The following KIRREL3 variants were observed in gnomAD, a reference collection of about 807,000 sequenced individuals.
KIRREL3 encodes the protein kin of IRRE-like protein 3.
A neutral mutation model predicts 89.7 loss-of-function variants in KIRREL3; 36 were observed. The observed-to-expected ratio is 0.40, with a 90% confidence interval of 0.31 to 0.53. The LOEUF (loss-of-function observed/expected upper bound fraction) is 0.53. KIRREL3 is among the 20% of genes least tolerant of loss of function. The pLI is 0.49. For missense variants in KIRREL3, 864 were observed against 1,056.6 expected (o/e 0.82, Z 2.53); for synonymous variants, 445 against 441.4 (o/e 1.01, Z -0.10).
intron 2 of KIRREL3, among the ~76,000 whole-genome samples, chr11:126,533,209 C>A (rs1958995938): frequency 6.6e-6 from 1 of 152,194 alleles, no homozygotes; most frequent in Non-Finnish European, 1.5e-5. Flanking sequence ...TACCGTATCA[C>A]ACCTACGTGA....
intron 7 of KIRREL3, among the ~76,000 whole-genome samples, chr11:126,451,294 ATG>A (rs1956124857): frequency 1.6e-5 from 2 of 123,016 alleles, no homozygotes; most frequent in African/African-American, 6.5e-5. Flanking sequence ...GCGTGTGTGC[ATG>A]TGTGCATGTG....
intron 4 of KIRREL3, among the ~76,000 whole-genome samples, chr11:126,480,564 T>G (rs1026005776): frequency 6.6e-6 from 1 of 152,186 alleles, no homozygotes; most frequent in Non-Finnish European, 1.5e-5. Flanking sequence ...ACATGTTCTG[T>G]TGGAGTTAGA....
intron 1 of KIRREL3, among the ~76,000 whole-genome samples, chr11:126,973,035 A>C (rs764568076): frequency 5.3e-5 from 8 of 149,956 alleles, no homozygotes; most frequent in Non-Finnish European, 1.0e-4. Flanking sequence ...GGCATTGCTG[A>C]ACCCAGAGAG....
chr11:126,468,402 G>T (rs552529293), intron 5 of KIRREL3, among the ~76,000 whole-genome samples: 2 of 152,370 alleles, frequency 1.3e-5, no homozygotes, highest in African/African-American at 4.8e-5. Context: ...ACTGCCCAAG[G>T]CCCCATCCGG....
intron 8 of KIRREL3, among the ~76,000 whole-genome samples, chr11:126,448,326 G>A (rs1181238959): frequency 3.3e-5 from 5 of 150,764 alleles, no homozygotes; most frequent in Admixed American, 6.6e-5. Flanking sequence ...AAGAAGGTAC[G>A]TCCGTGAGTC....
At chr11:126,923,971 C>T (rs944526654) in intron 1 of KIRREL3, among the ~76,000 whole-genome samples, 9 of 152,322 alleles carry the variant, frequency 5.9e-5, no homozygotes, top group East Asian at 1.9e-4. Context: ...GTGGCTCACC[C>T]GCTTGTTTAA....
At chr11:126,644,434 A>C (rs1377506507) in intron 1 of KIRREL3, among the ~76,000 whole-genome samples, 1 of 152,224 alleles carries the variant, frequency 6.6e-6, no homozygotes, top group Non-Finnish European at 1.5e-5. Context: ...CTGAATGTTC[A>C]GTAGTTTTGA....
At chr11:126,532,353 A>T (rs1029081459) in intron 2 of KIRREL3, among the ~76,000 whole-genome samples, 15 of 150,836 alleles carry the variant, frequency 9.9e-5, no homozygotes, top group Admixed American at 8.6e-4. Flanking sequence ...GCCTACTCAG[A>T]TTATTTATCT....
intron 1 of KIRREL3, among the ~76,000 whole-genome samples, chr11:126,665,744 C>T (rs762499378): frequency 1.3e-5 from 2 of 152,212 alleles, no homozygotes; most frequent in Non-Finnish European, 2.9e-5. Flanking sequence ...CCCAAATGGA[C>T]TGAGGCACAT....
At chr11:126,828,800 T>A (rs1295974789) in intron 1 of KIRREL3, among the ~76,000 whole-genome samples, 1 of 152,234 alleles carries the variant, frequency 6.6e-6, no homozygotes, top group East Asian at 1.9e-4. Flanking sequence ...TTTATTTATT[T>A]AATTTTTATG....
At position 126,946,380 on chromosome 11, in the gene KIRREL3, T is replaced by C. The variant is rs528904290; in HGVS notation, c.55+54075A>G. ...CAAGACCTGGTTTGGTCCTCATGCA[T>C]TGGATCACCTTACTCAAACCACCTT... On this transcript the variant is annotated intron_variant, in intron 1 of 16. Transcript: ENST00000525144. The surrounding 1 kb of genome is among the most constrained non-coding windows in gnomAD (Gnocchi z 4.1). 6.6e-6 allele frequency among the ~76,000 whole-genome samples: 1 copy of C among 152,292 alleles called. No individual in the cohort carries two copies. The highest frequency in any genetic ancestry group is 2.1e-4 in the South Asian group (1 of 4,818).
rs1946662957 is a variant in KIRREL3 at position 126,908,170 on chromosome 11, C to T, written c.55+92285G>A. Among the ~76,000 whole-genome samples, 1 of 152,202 alleles carries T rather than the reference C, an allele frequency of 6.6e-6. No homozygotes were observed. Among genetic ancestry groups the T allele is most frequent in the Admixed American group, 6.5e-5 (1 of 15,284 alleles). On this transcript the variant is annotated intron_variant, in intron 1 of 16. Coordinates refer to ENST00000525144, the MANE Select transcript of KIRREL3 (RefSeq NM_032531.4). The surrounding 1 kb of genome is among the most constrained non-coding windows in gnomAD (Gnocchi z 4.2). ...TGAAGGCAAATATCTGTTTTGTTTA[C>T]TGCCGTATTTTCAGTGCCTAGGCAC...
rs1945685603 is a variant in KIRREL3 at position 126,666,826 on chromosome 11, A to G, written c.56-103914T>C. Among the ~76,000 whole-genome samples the G allele has an allele frequency of 6.6e-6, 1 of 152,148 alleles. No individual in the cohort carries two copies. Among genetic ancestry groups the G allele is most frequent in the South Asian group, 2.1e-4 (1 of 4,828 alleles). On this transcript the variant is annotated intron_variant, in intron 1 of 16. Coordinates refer to ENST00000525144, the MANE Select transcript of KIRREL3 (RefSeq NM_032531.4). The surrounding 1 kb of genome is among the most constrained non-coding windows in gnomAD (Gnocchi z 4.2). Reference sequence around the variant, plus strand: ...TGAGTTTCTCTGTTGATCAATCACCATTGCTGGTACAGGTATATTCATTTT... The same window carrying G: ...TGAGTTTCTCTGTTGATCAATCACCGTTGCTGGTACAGGTATATTCATTTT...
intron 1 of KIRREL3, among the ~76,000 whole-genome samples, chr11:126,847,945 G>A (rs1337180569): frequency 2.6e-5 from 4 of 152,114 alleles, no homozygotes; most frequent in South Asian, 2.1e-4. Context: ...ATTTTACCAT[G>A]TCTCTGACTG....
Position 126,571,202 on chromosome 11 carries a change from T to A in KIRREL3, c.56-8290A>T, listed in dbSNP as rs200522661. ...TTTTTGATACCTTGCCTAGCTCTTA[T>A]CATCTTTCTCTCCTTGGAGGGCTGG... On this transcript the variant is annotated intron_variant, in intron 1 of 16. Coordinates refer to ENST00000525144, the MANE Select transcript of KIRREL3 (RefSeq NM_032531.4). This position sits in a 1 kb window ranked among gnomAD's most constrained non-coding sequence, Gnocchi z 7.7. Among the ~76,000 whole-genome samples, 13 of 152,322 alleles carry A rather than the reference T, an allele frequency of 8.5e-5. No homozygotes were observed. The East Asian group carries it at 1.5e-3, about 18-fold the overall frequency.
intron 1 of KIRREL3, among the ~76,000 whole-genome samples, chr11:126,857,782 T>TGTAGGG (rs11283324): frequency 1.7e-5 from 2 of 120,058 alleles, no homozygotes; most frequent in East Asian, 2.8e-4. Context: ...CTTCAGGCTG[T>TGTAGGG]GGGGGTGGGG....
At chr11:126,730,776 T>C (rs1948586333) in intron 1 of KIRREL3, among the ~76,000 whole-genome samples, 2 of 152,154 alleles carry the variant, frequency 1.3e-5, no homozygotes, top group South Asian at 4.2e-4. Flanking sequence ...TCTTGCTCTG[T>C]CACCCAGGCT....
intron 1 of KIRREL3, among the ~76,000 whole-genome samples, chr11:126,626,625 C>A (rs1467909401): frequency 6.6e-6 from 1 of 152,190 alleles, no homozygotes; most frequent in Non-Finnish European, 1.5e-5. Flanking sequence ...AAAAATATTT[C>A]ATTATTTTAA....
In KIRREL3 at chr11:126,606,071, C is replaced by T. The variant is rs1942877140; in HGVS notation, c.56-43159G>A. On this transcript the variant is annotated intron_variant, in intron 1 of 16. Transcript: ENST00000525144. The surrounding 1 kb of genome is among the most constrained non-coding windows in gnomAD (Gnocchi z 4.6). ...TAACTAAGTCAATTATTCAATCTCC[C>T]TGAGCCTCCATTTCTTCAGTAAAAT... Among the ~76,000 whole-genome samples, 1 of 152,186 alleles carries T rather than the reference C, an allele frequency of 6.6e-6. No individual in the cohort carries two copies. The highest frequency in any genetic ancestry group is 1.5e-5 in the Non-Finnish European group (1 of 68,034).
Sources: allele counts gnomAD v4.1 joint callset (sites outside exome capture counted in the v4.1 genomes callset), GRCh38; gene constraint gnomAD v4.1.1; non-coding constraint Gnocchi (gnomAD v3.1); transcripts MANE v1.5; gene names NCBI Gene and HGNC (gene_info 2026-07-23, HGNC 2026-07-21).